The following NSG2 variants were observed in gnomAD, a reference collection of about 807,000 sequenced individuals.
NSG2 encodes neuronal vesicle trafficking associated 2, also known as neuronal vesicle trafficking-associated protein 2.
Under a neutral mutation model 16.9 loss-of-function variants are expected in NSG2, and 4 were observed. That is an observed-to-expected ratio of 0.24 (90% CI 0.12 to 0.54). The LOEUF is 0.54. Ranked by LOEUF, NSG2 falls within the 20% of genes least tolerant of loss-of-function variation. NSG2 has a pLI of 0.95. For missense variants in NSG2, 179 were observed against 221.1 expected (o/e 0.81, Z 1.21); for synonymous variants, 98 against 88.7 (o/e 1.11, Z -0.59).
intron 2 of NSG2, among the ~76,000 whole-genome samples, chr5:174,060,175 G>A (rs1429619321): frequency 1.3e-5 from 2 of 152,132 alleles, no homozygotes; most frequent in African/African-American, 4.8e-5. Context: ...GATATTGCCT[G>A]TAATGATTAT....
chr5:174,058,059 G>A (rs1458962263), intron 2 of NSG2, among the ~76,000 whole-genome samples: 2 of 152,312 alleles, frequency 1.3e-5, no homozygotes, highest in South Asian at 2.1e-4. Context: ...AAAGGGAAGG[G>A]AGGAATCATG....
chr5:174,102,796 T>A (rs907247722), intron 3 of NSG2, among the ~76,000 whole-genome samples: 2 of 149,986 alleles, frequency 1.3e-5, no homozygotes, highest in Non-Finnish European at 3.0e-5. Context: ...ATTTATTTAT[T>A]TAGATGGAGT....
intron 3 of NSG2, among the ~76,000 whole-genome samples, chr5:174,069,639 T>A (rs1362943350): frequency 6.6e-6 from 1 of 152,136 alleles, no homozygotes. Flanking sequence ...TCTTTCCTAT[T>A]TATATCCTTT....
chr5:174,054,117 G>A (rs980573820), intron 2 of NSG2, among the ~76,000 whole-genome samples: 1 of 152,318 alleles, frequency 6.6e-6, no homozygotes, highest in African/African-American at 2.4e-5. Flanking sequence ...ATCTGCATGC[G>A]CCAGCGTGGA....
chr5:174,079,646 T>C (rs1253980569), intron 3 of NSG2, among the ~76,000 whole-genome samples: 1 of 152,234 alleles, frequency 6.6e-6, no homozygotes, highest in East Asian at 1.9e-4. Context: ...AAAATTCTTA[T>C]CTGGCTGGAC....
intron 3 of NSG2, among the ~76,000 whole-genome samples, chr5:174,102,542 A>G (rs1291600495): frequency 6.6e-6 from 1 of 152,120 alleles, no homozygotes; most frequent in East Asian, 1.9e-4. Context: ...CCCCTTGTAC[A>G]TAGATGGTGG....
chr5:174,086,944 C>A (rs1760634820), intron 3 of NSG2, among the ~76,000 whole-genome samples: 1 of 152,172 alleles, frequency 6.6e-6, no homozygotes, highest in Non-Finnish European at 1.5e-5. Context: ...TGTGCTTTTT[C>A]TCTTTCAAGG....
intron 3 of NSG2, among the ~76,000 whole-genome samples, chr5:174,068,445 G>A (rs938375467): frequency 6.6e-6 from 1 of 152,228 alleles, no homozygotes; most frequent in Admixed American, 6.5e-5. Context: ...TAATCTGAGA[G>A]CAAGGGGTTC....
At chr5:174,080,535 C>T (rs1167882271) in intron 3 of NSG2, among the ~76,000 whole-genome samples, 58 of 146,056 alleles carry the variant, frequency 4.0e-4, no homozygotes, top group African/African-American at 1.4e-3. Context: ...TTCTCTCTCT[C>T]TCTCTCTCTC....
intron 2 of NSG2, among the ~76,000 whole-genome samples, chr5:174,055,591 C>T (rs1446021846): frequency 1.3e-5 from 2 of 151,976 alleles, no homozygotes; most frequent in Non-Finnish European, 2.9e-5. Flanking sequence ...CAGAGCGAGA[C>T]TCTGTCTCAA....
chr5:174,104,159 T>C (rs1760942110), intron 3 of NSG2, 69 bp from the exon 4 acceptor site: 4 of 1,120,538 alleles, frequency 3.6e-6, no homozygotes, highest in Non-Finnish European at 5.4e-6. Flanking sequence ...TTCTAGGCTC[T>C]GAAAGCTGCA....
In NSG2 at chr5:174,064,331, G is replaced by A. The variant is rs1185549812; in HGVS notation, c.213+16G>A. ...TGAATTTACGGTCAGTTTCTTGATG[G>A]TGTAATAGAAAGAGTAAAGGAGAGG... is the stretch of plus-strand genomic sequence containing the variant. On this transcript the variant is annotated intron_variant, in intron 3 of 4. Transcript: ENST00000303177. 7.5e-6 allele frequency: 12 copies of A among 1,598,122 alleles called. 1 individual carries two copies. Among genetic ancestry groups the A allele is most frequent in the South Asian group, 2.2e-5 (2 of 89,874 alleles).
chr5:174,047,001 CCTTT>C, intron 2 of NSG2, 117 bp downstream of exon 2: 1 of 1,004,552 alleles, frequency 1.0e-6, no homozygotes, highest in South Asian at 1.6e-5. Context: ...AAATGTGCTC[CCTTT>C]CTTGTAAAAT....
chr5:174,080,353 T>G (rs1760427460), intron 3 of NSG2, among the ~76,000 whole-genome samples: 1 of 150,054 alleles, frequency 6.7e-6, no homozygotes, highest in African/African-American at 2.4e-5. Context: ...TAAATTAACC[T>G]TATTATATAT....
Position 174,064,318 on chromosome 5 carries a change from C to A in NSG2, c.213+3C>A, listed in dbSNP as rs540856868. 1.2e-6 allele frequency: 2 copies of A among 1,607,702 alleles called. No homozygotes were observed. The highest frequency in any genetic ancestry group is 2.2e-5 in the East Asian group (1 of 44,850). The stretch of plus-strand genomic sequence containing the variant: ...TGCCGAAAATCGCTGAATTTACGGT[C>A]AGTTTCTTGATGGTGTAATAGAAAG... On this transcript the variant is annotated splice_donor_region_variant and intron_variant, in intron 3 of 4. Transcript: ENST00000303177.
At chr5:174,092,616 TAAC>T (rs1434873458) in intron 3 of NSG2, among the ~76,000 whole-genome samples, 2 of 152,348 alleles carry the variant, frequency 1.3e-5, no homozygotes, top group East Asian at 1.9e-4. Context: ...ATTACAAAAA[TAAC>T]AACAATGACA....
intron 3 of NSG2, among the ~76,000 whole-genome samples, chr5:174,065,992 T>C (rs1164684629): frequency 6.6e-6 from 1 of 152,220 alleles, no homozygotes; most frequent in Non-Finnish European, 1.5e-5. Context: ...GTTGGTTATC[T>C]GGGAATTGAA....
intron 3 of NSG2, among the ~76,000 whole-genome samples, chr5:174,081,980 C>T (rs1258981691): frequency 6.6e-6 from 1 of 150,604 alleles, no homozygotes; most frequent in Non-Finnish European, 1.5e-5. Flanking sequence ...TAATCTGTTT[C>T]TTTATATATT....
intron 2 of NSG2, among the ~76,000 whole-genome samples, chr5:174,055,398 C>T (rs555646001): frequency 6.6e-6 from 1 of 151,948 alleles, no homozygotes; most frequent in Non-Finnish European, 1.5e-5. Flanking sequence ...TCCAGACCAT[C>T]CTGGCTAACA....
Sources: allele counts gnomAD v4.1 joint callset (sites outside exome capture counted in the v4.1 genomes callset), GRCh38; gene constraint gnomAD v4.1.1; transcripts MANE v1.5; gene names NCBI Gene and HGNC (gene_info 2026-07-23, HGNC 2026-07-21).